PRKCB: variants seen among roughly 807,000 people sequenced by gnomAD.
PRKCB encodes the protein protein kinase C beta.
In PRKCB, 13 loss-of-function variants were observed where a neutral mutation model predicts 81.5. The ratio of observed to expected loss-of-function variants is 0.16; its 90% CI spans 0.10 to 0.25. PRKCB has a LOEUF of 0.25. Among genes scored for constraint, PRKCB ranks in the 10% least tolerant of loss-of-function variants. PRKCB has a pLI of 1.00. For synonymous variants in PRKCB, 335 were observed against 321.4 expected (o/e 1.04, Z -0.45); for missense variants, 509 against 875.7 (o/e 0.58, Z 5.29).
intron 9 of PRKCB, among the ~76,000 whole-genome samples, chr16:24,143,088 G>A (rs1966926915): frequency 1.3e-5 from 2 of 152,000 alleles, no homozygotes; most frequent in Non-Finnish European, 2.9e-5. Context: ...AGGACCCTGT[G>A]AGCCCTAAAG....
At chr16:24,008,365 T>C (rs1197990050) in intron 3 of PRKCB, among the ~76,000 whole-genome samples, 5 of 152,232 alleles carry the variant, frequency 3.3e-5, no homozygotes, top group African/African-American at 1.2e-4. Context: ...CCTACAGCCT[T>C]GGCCTGATTT....
chr16:23,957,515 T>TTCAGCC (rs1318336970), intron 2 of PRKCB, among the ~76,000 whole-genome samples: 2 of 152,204 alleles, frequency 1.3e-5, no homozygotes, highest in African/African-American at 4.8e-5. Context: ...AAACAGGAGC[T>TTCAGCC]TCAGCCTCAG....
intron 5 of PRKCB, among the ~76,000 whole-genome samples, chr16:24,065,899 GT>G (rs1966027292): frequency 1.3e-5 from 2 of 152,102 alleles, no homozygotes; most frequent in South Asian, 4.1e-4. Flanking sequence ...GAAACTGGCT[GT>G]TATTTTCTTT....
chr16:23,879,586 C>G (rs958180057), intron 2 of PRKCB, among the ~76,000 whole-genome samples: 1 of 142,736 alleles, frequency 7.0e-6, no homozygotes, highest in South Asian at 2.2e-4. Flanking sequence ...CTCCGCCTCC[C>G]CAGTTCAAGT....
chr16:23,977,460 C>G (rs147534799), intron 2 of PRKCB, among the ~76,000 whole-genome samples: 3 of 152,072 alleles, frequency 2.0e-5, no homozygotes, highest in African/African-American at 7.2e-5. Context: ...TTAAAAGCTC[C>G]CTGGTGACTC....
At chr16:24,124,036 G>T in intron 9 of PRKCB, 55 bp downstream of exon 9, 4 of 1,603,834 alleles carry the variant, frequency 2.5e-6, no homozygotes, top group Non-Finnish European at 3.4e-6. Flanking sequence ...TAACAACACA[G>T]GCACATTTGC....
intron 16 of PRKCB, among the ~76,000 whole-genome samples, chr16:24,210,692 G>C (rs868550137): frequency 1.3e-5 from 2 of 151,970 alleles, no homozygotes; most frequent in African/African-American, 4.8e-5. Context: ...TAGAGACGGG[G>C]TTTCACCATG....
chr16:24,142,135 G>A (rs1966910672), intron 9 of PRKCB, among the ~76,000 whole-genome samples: 1 of 152,154 alleles, frequency 6.6e-6, no homozygotes, highest in Non-Finnish European at 1.5e-5. Context: ...GAGACTCAGA[G>A]AGGTTGAGTA....
chr16:23,927,723 G>A (rs1250172122), intron 2 of PRKCB, among the ~76,000 whole-genome samples: 1 of 152,062 alleles, frequency 6.6e-6, no homozygotes, highest in Non-Finnish European at 1.5e-5. Flanking sequence ...TTTGGCGTGG[G>A]AGGAATGAGA....
At chr16:24,091,769 C>A (rs1966380171) in intron 5 of PRKCB, among the ~76,000 whole-genome samples, 1 of 152,166 alleles carries the variant, frequency 6.6e-6, no homozygotes, top group African/African-American at 2.4e-5. Context: ...TGCCACCATG[C>A]CTGGCTAATT....
At chr16:24,153,463 G>T (rs1174206539) in intron 9 of PRKCB, among the ~76,000 whole-genome samples, 1 of 152,234 alleles carries the variant, frequency 6.6e-6, no homozygotes, top group African/African-American at 2.4e-5. Context: ...AGTGCATGCA[G>T]TGAATACTTC....
chr16:23,912,504 C>CT (rs1281396236), intron 2 of PRKCB, among the ~76,000 whole-genome samples: 1 of 71,078 alleles, frequency 1.4e-5, no homozygotes, highest in Non-Finnish European at 2.8e-5. Flanking sequence ...TTCTTTCTTT[C>CT]TTCTTTTTTT....
intron 3 of PRKCB, among the ~76,000 whole-genome samples, chr16:24,005,749 A>T (rs1965108871): frequency 6.6e-6 from 1 of 152,086 alleles, no homozygotes; most frequent in Non-Finnish European, 1.5e-5. Flanking sequence ...TGGCAGGAAG[A>T]CCACCTTGAT....
chr16:24,113,231 T>A (rs750445449), intron 8 of PRKCB, among the ~76,000 whole-genome samples, 162 bp downstream of exon 8: 4 of 151,932 alleles, frequency 2.6e-5, no homozygotes, highest in Non-Finnish European at 4.4e-5. Context: ...CTCCTTTCTT[T>A]CTTTCTTGCT....
chr16:24,208,242 A>C (rs1968078001), intron 16 of PRKCB: 1 of 152,354 alleles, frequency 6.6e-6, no homozygotes, highest in Non-Finnish European at 1.5e-5. Context: ...ACTGCACCCC[A>C]ACCTGGGTAA....
At chr16:24,001,242 A>G (rs1965030739) in intron 3 of PRKCB, among the ~76,000 whole-genome samples, 1 of 152,224 alleles carries the variant, frequency 6.6e-6, no homozygotes, top group Non-Finnish European at 1.5e-5. Flanking sequence ...GGTTTGTCTA[A>G]AGATACCTTT....
chr16:24,114,360 A>G (rs1388965333), intron 8 of PRKCB, among the ~76,000 whole-genome samples: 2 of 151,672 alleles, frequency 1.3e-5, no homozygotes. Context: ...GATTGGCTCT[A>G]TTGACAGAAT....
intron 9 of PRKCB, among the ~76,000 whole-genome samples, chr16:24,134,202 C>T (rs1966858035): frequency 6.6e-6 from 1 of 152,124 alleles, no homozygotes; most frequent in Non-Finnish European, 1.5e-5. Flanking sequence ...CCAGTCCAAA[C>T]CACTACTCTT....
At chr16:24,039,426 C>T (rs1166871955) in intron 5 of PRKCB, among the ~76,000 whole-genome samples, 1 of 152,084 alleles carries the variant, frequency 6.6e-6, no homozygotes, top group Non-Finnish European at 1.5e-5. Flanking sequence ...GACGGAGTTT[C>T]ACCATGTTAG....
Sources: gnomAD v4.1 joint callset for allele counts (sites outside exome capture counted in the v4.1 genomes callset) on GRCh38, gnomAD v4.1.1 for gene constraint, MANE v1.5 for transcripts, NCBI Gene and HGNC (gene_info 2026-07-23, HGNC 2026-07-21) for gene names.